Variants in CACNB4 observed in about 807,000 individuals in gnomAD.
CACNB4 encodes voltage-dependent L-type calcium channel subunit beta-4.
In CACNB4, 32 loss-of-function variants were observed where a neutral mutation model predicts 71.2. The observed-to-expected ratio is 0.45, with a 90% CI of 0.34 to 0.60. The LOEUF is 0.60. CACNB4 is among the 20% of genes least tolerant of loss of function. The pLI is 0.01. For synonymous variants in CACNB4, 231 were observed against 236.9 expected (o/e 0.97, Z 0.23); for missense variants, 464 against 647.9 (o/e 0.72, Z 3.08).
At chr2:151,974,478 CAAGAA>C (rs1173935711) in intron 2 of CACNB4, among the ~76,000 whole-genome samples, 1 of 152,094 alleles carries the variant, frequency 6.6e-6, no homozygotes, top group Non-Finnish European at 1.5e-5. Flanking sequence ...GCCTCACTGG[CAAGAA>C]AAGAGCTCTG....
At chr2:151,920,920 C>T (rs1029478409) in intron 2 of CACNB4, among the ~76,000 whole-genome samples, 17 of 152,056 alleles carry the variant, frequency 1.1e-4, no homozygotes, top group Middle Eastern at 3.4e-3. Flanking sequence ...GGACGGATCA[C>T]GAGGTCAGGA....
At chr2:151,924,148 G>A (rs866515370) in intron 2 of CACNB4, among the ~76,000 whole-genome samples, 22 of 131,940 alleles carry the variant, frequency 1.7e-4, no homozygotes, top group Middle Eastern at 5.3e-3. Flanking sequence ...GCGCAATCTC[G>A]GCTCACTGCT....
At chr2:152,088,170 T>C (rs4664077) in intron 2 of CACNB4, among the ~76,000 whole-genome samples, 84,360 of 130,360 alleles carry the variant, frequency 0.65, 25,099 homozygotes, top group East Asian at 0.85. Context: ...CACACACACA[T>C]ACACACACAC....
intron 2 of CACNB4, among the ~76,000 whole-genome samples, chr2:151,907,557 G>A (rs530947306): frequency 2.0e-5 from 3 of 152,092 alleles, no homozygotes; most frequent in Non-Finnish European, 2.9e-5. Flanking sequence ...TTAATAAAAC[G>A]CCAGTCTTTA....
rs141008190 is a variant in CACNB4 at position 152,041,588 on chromosome 2, G to C, written c.147+56742C>G. Among the ~76,000 whole-genome samples, 267 of 152,314 alleles carry C rather than the reference G, an allele frequency of 1.8e-3. 1 individual carries two copies. Among genetic ancestry groups the C allele is most frequent in the African/African-American group, 6.2e-3 (257 of 41,564 alleles). ...CCATGAAAGTTCTGAGTTTTGATAG[G>C]AGACTGGGGCACAGAAACTGCAGGA... On this transcript the variant is annotated intron_variant, in intron 2 of 13. Coordinates refer to ENST00000539935, the MANE Select transcript of CACNB4 (RefSeq NM_000726.5).
At chr2:152,035,727 G>C (rs1286807482) in intron 2 of CACNB4, among the ~76,000 whole-genome samples, 1 of 150,788 alleles carries the variant, frequency 6.6e-6, no homozygotes, top group African/African-American at 2.4e-5. Flanking sequence ...TAGACAAACC[G>C]CAAGAATAGC....
intron 2 of CACNB4, among the ~76,000 whole-genome samples, chr2:152,044,981 C>A (rs1439604327): frequency 2.0e-5 from 3 of 151,376 alleles, no homozygotes; most frequent in East Asian, 1.9e-4. Context: ...GTTGGTGGGG[C>A]GGAGGAGAGA....
At chr2:151,910,725 G>A (rs1400859477) in intron 2 of CACNB4, among the ~76,000 whole-genome samples, 1 of 152,180 alleles carries the variant, frequency 6.6e-6, no homozygotes, top group Non-Finnish European at 1.5e-5. Flanking sequence ...TTGAAGTCAG[G>A]TAGCATGATG....
intron 2 of CACNB4, among the ~76,000 whole-genome samples, chr2:151,909,459 A>C (rs13382902): frequency 4.5e-5 from 6 of 131,870 alleles, no homozygotes; most frequent in Non-Finnish European, 8.9e-5. Context: ...ACAAAAAAAA[A>C]AAACAAAAAA....
At chr2:152,029,504 A>C (rs1560145700) in intron 2 of CACNB4, among the ~76,000 whole-genome samples, 2 of 117,174 alleles carry the variant, frequency 1.7e-5, no homozygotes, top group African/African-American at 8.0e-5. Context: ...AAAAAAAAAA[A>C]AAAAAAAGAA....
At chr2:152,066,699 GT>G (rs1686349601) in intron 2 of CACNB4, among the ~76,000 whole-genome samples, 1 of 150,136 alleles carries the variant, frequency 6.7e-6, no homozygotes, top group Non-Finnish European at 1.5e-5. Context: ...GCACACGTAT[GT>G]TTATTGTGGC....
intron 2 of CACNB4, among the ~76,000 whole-genome samples, chr2:151,930,348 C>T (rs553179376): frequency 2.4e-4 from 37 of 152,104 alleles, no homozygotes; most frequent in African/African-American, 8.4e-4. Flanking sequence ...CTCCTAAAGA[C>T]TTAAAGGGTA....
chr2:151,922,788 G>A (rs114927379), intron 2 of CACNB4, among the ~76,000 whole-genome samples: 2,431 of 152,268 alleles, frequency 0.016, 51 homozygotes, highest in African/African-American at 0.056. Context: ...CACAAATCCT[G>A]TTTTCATTCT....
chr2:151,901,658 A>G (rs1218964969), intron 2 of CACNB4, among the ~76,000 whole-genome samples: 1 of 152,236 alleles, frequency 6.6e-6, no homozygotes, highest in Non-Finnish European at 1.5e-5. Flanking sequence ...GAAAATTGCT[A>G]TTGAAATGTG....
chr2:151,973,990 G>T (rs2099873298), intron 2 of CACNB4: 1 of 1,182,852 alleles, frequency 8.5e-7, no homozygotes, highest in Non-Finnish European at 1.0e-6. Flanking sequence ...AGCTAGGAAA[G>T]CGGCCTCTGA....
intron 2 of CACNB4, among the ~76,000 whole-genome samples, chr2:152,061,346 G>GA (rs1300415256): frequency 7.9e-5 from 12 of 152,002 alleles, no homozygotes; most frequent in Admixed American, 3.9e-4. Flanking sequence ...AAAAATATCT[G>GA]AAATTTTTAA....
intron 2 of CACNB4, among the ~76,000 whole-genome samples, chr2:152,015,910 C>G: frequency 6.6e-6 from 1 of 152,292 alleles, no homozygotes; most frequent in South Asian, 2.1e-4. Context: ...TTCAGGATTA[C>G]GAGATCCAAT....
At chr2:151,941,973 G>C (rs2151634212) in intron 2 of CACNB4, among the ~76,000 whole-genome samples, 1 of 152,334 alleles carries the variant, frequency 6.6e-6, no homozygotes, top group Admixed American at 6.5e-5. Context: ...CCCTAACATG[G>C]AGGGGATGCT....
Position 152,074,712 on chromosome 2 carries a change from T to TCACC in CACNB4, c.147+23617_147+23618insGGTG, listed in dbSNP as rs1560181680. On this transcript the variant is annotated intron_variant, in intron 2 of 13. Coordinates refer to ENST00000539935, the MANE Select transcript of CACNB4 (RefSeq NM_000726.5). The stretch of plus-strand genomic sequence containing the variant: ...ATCACCCCCTCACCATTACCACCTC[T>TCACC]ATCATCACCATCACCCCCTCACCAT... Among the ~76,000 whole-genome samples, 16 of 31,446 alleles carry TCACC rather than the reference T, an allele frequency of 5.1e-4. 2 individuals carry two copies. Among genetic ancestry groups the TCACC allele is most frequent in the Non-Finnish European group, 8.0e-4 (14 of 17,448 alleles). The allele number at this position is 31,446 out of a possible 152,430, so 20.6% of individuals were successfully genotyped here.
Sources: gnomAD v4.1 joint callset for allele counts (sites outside exome capture counted in the v4.1 genomes callset) on GRCh38, gnomAD v4.1.1 for gene constraint, MANE v1.5 for transcripts, NCBI Gene and HGNC (gene_info 2026-07-23, HGNC 2026-07-21) for gene names.